The following CYP2J2 variants were observed in gnomAD, a reference collection of about 807,000 sequenced individuals.
CYP2J2 encodes the protein cytochrome P450 2J2.
In CYP2J2, 41 loss-of-function variants were observed where a neutral mutation model predicts 48.8. That is an observed-to-expected ratio of 0.84 (90% confidence interval 0.66 to 1.09). The LOEUF is 1.09. Among genes scored for constraint, CYP2J2 ranks in the 50% least tolerant of loss-of-function variants. CYP2J2 has a pLI of 0.00. For missense variants in CYP2J2, 644 were observed against 617.3 expected (o/e 1.04, Z -0.46); for synonymous variants, 221 against 227.1 (o/e 0.97, Z 0.24).
At chr1:59,926,181 CATTTTATGTATGGGAAATGA>C (rs928898127) in intron 1 of CYP2J2, among the ~76,000 whole-genome samples, 1 of 152,080 alleles carries the variant, frequency 6.6e-6, no homozygotes, top group Non-Finnish European at 1.5e-5. Flanking sequence ...GTATTATCAC[CATTTTATGTATGGGAAATGA>C]AGTTTCTCAG....
the CYP2J2 span, among the ~76,000 whole-genome samples, chr1:59,966,050 G>A: frequency 6.6e-6 from 1 of 152,132 alleles, no homozygotes; most frequent in Admixed American, 6.5e-5. Flanking sequence ...CTTAGTGTGT[G>A]GCAGGGTTAA....
At chr1:59,965,412 C>T in the CYP2J2 span, among the ~76,000 whole-genome samples, 5 of 152,190 alleles carry the variant, frequency 3.3e-5, no homozygotes, top group Non-Finnish European at 5.9e-5. Flanking sequence ...ACTCCAACTC[C>T]ACGACACAAA....
chr1:59,924,512 G>A (rs955684235), intron 1 of CYP2J2, among the ~76,000 whole-genome samples: 2 of 152,094 alleles, frequency 1.3e-5, no homozygotes, highest in Non-Finnish European at 2.9e-5. Flanking sequence ...CAACAATTAT[G>A]AAGTAGAGAG....
At chr1:59,907,086 G>A (rs1381524890) in intron 6 of CYP2J2, among the ~76,000 whole-genome samples, 1 of 152,086 alleles carries the variant, frequency 6.6e-6, no homozygotes, top group Admixed American at 6.5e-5. Context: ...ATAGTCTGTG[G>A]GGAAGCTATA....
At chr1:59,919,343 T>A (rs987262079) in intron 1 of CYP2J2, among the ~76,000 whole-genome samples, 1 of 152,226 alleles carries the variant, frequency 6.6e-6, no homozygotes, top group Non-Finnish European at 1.5e-5. Flanking sequence ...AAGTTGGAAA[T>A]ATAATTTTAT....
chr1:59,927,192 G>A (rs1644574700), upstream of CYP2J2, among the ~76,000 whole-genome samples: 1 of 151,992 alleles, frequency 6.6e-6, no homozygotes. Flanking sequence ...TTGCTGTTGA[G>A]GAAACAGAAA....
chr1:59,903,892 G>A (rs1015573039), intron 7 of CYP2J2, among the ~76,000 whole-genome samples: 3 of 152,082 alleles, frequency 2.0e-5, no homozygotes, highest in East Asian at 1.9e-4. Context: ...CCTTGACTTC[G>A]CAATCCATAA....
At position 59,893,383 on chromosome 1, in the gene CYP2J2, A is replaced by T. The variant is rs1354425017; in HGVS notation, c.*268T>A. 2.9e-6 allele frequency: 1 copy of T among 342,668 alleles called. No homozygotes were observed. The highest frequency in any genetic ancestry group is 4.7e-5 in the East Asian group (1 of 21,368). The allele number at this position is 342,668 out of a possible 1,614,324, so 21.2% of individuals were successfully genotyped here. On this transcript the variant is annotated 3_prime_UTR_variant, in exon 9 of 9. Coordinates refer to ENST00000371204, the MANE Select transcript of CYP2J2 (RefSeq NM_000775.4). Reference sequence around the variant, plus strand: ...CTCACCATTTCTTTTGATTCTTACAAGAACTTTCTTTATGGAAGGAAACAT... The same window carrying T: ...CTCACCATTTCTTTTGATTCTTACATGAACTTTCTTTATGGAAGGAAACAT...
Position 59,920,822 on chromosome 1 carries a change from T to C in CYP2J2, c.211-4722A>G, listed in dbSNP as rs542892823. Among the ~76,000 whole-genome samples, 19 of 152,306 alleles carry C rather than the reference T, an allele frequency of 1.2e-4. No homozygotes were observed. In the South Asian group the frequency reaches 3.7e-3, roughly 30 times the overall value. On this transcript the variant is annotated intron_variant, in intron 1 of 8. Transcript: ENST00000371204. ...GTTATTTAACTTTTCTCTGTCTTAGTTTCCAAATTTTATAGACTTTATTAG... is the reference window on the plus strand; with the variant it reads ...GTTATTTAACTTTTCTCTGTCTTAGCTTCCAAATTTTATAGACTTTATTAG...
In CYP2J2 at chr1:59,893,607, GCCAT is replaced by G; in HGVS notation, c.*40_*43del. ...AGACACCAGTGGTTTCAGAACACGT[GCCAT>G]GTCTTCTTACTTTCCTTGCCCCTTT... On this transcript the variant is annotated 3_prime_UTR_variant, in exon 9 of 9. Transcript: ENST00000371204. The G allele has an allele frequency of 6.8e-7, 1 of 1,460,136 alleles. No individual in the cohort carries two copies. The highest frequency in any genetic ancestry group is 9.3e-7 in the Non-Finnish European group (1 of 1,072,112). The allele number at this position is 1,460,136 out of a possible 1,614,324, so 90.4% of individuals were successfully genotyped here. A position where few individuals can be genotyped will look rare whatever the true frequency, so the allele number is the denominator to read the frequency against.
At chr1:59,926,116 G>A (rs988108005) in intron 1 of CYP2J2, among the ~76,000 whole-genome samples, 1 of 152,078 alleles carries the variant, frequency 6.6e-6, no homozygotes. Context: ...GAAGCTGGAG[G>A]GCTCAGTTAG....
At chr1:59,918,546 C>G (rs1644486073) in intron 1 of CYP2J2, among the ~76,000 whole-genome samples, 1 of 152,012 alleles carries the variant, frequency 6.6e-6, no homozygotes, top group South Asian at 2.1e-4. Context: ...TCTAACAATT[C>G]TTACGTGCAC....
At chr1:59,951,961 TCTA>T in the CYP2J2 span, among the ~76,000 whole-genome samples, 1 of 152,300 alleles carries the variant, frequency 6.6e-6, no homozygotes, top group East Asian at 1.9e-4. Flanking sequence ...CTTTGACCAC[TCTA>T]CTATCTTCTT....
the CYP2J2 span, among the ~76,000 whole-genome samples, chr1:59,935,435 G>A: frequency 6.6e-6 from 1 of 152,150 alleles, no homozygotes; most frequent in Middle Eastern, 3.2e-3. Flanking sequence ...GTAACTATAT[G>A]AGGTGATGAA....
chr1:59,920,539 A>G (rs1326809229), intron 1 of CYP2J2, among the ~76,000 whole-genome samples: 1 of 152,126 alleles, frequency 6.6e-6, no homozygotes, highest in Admixed American at 6.6e-5. Flanking sequence ...AGGGTTGAGG[A>G]AGGCTCCTGG....
upstream of CYP2J2, chr1:59,926,781 G>A: frequency 6.4e-7 from 1 of 1,566,262 alleles, no homozygotes; most frequent in Non-Finnish European, 8.7e-7. Context: ...TGCGGTCCAA[G>A]CAGGCGGCGG....
At chr1:59,955,201 C>A in the CYP2J2 span, among the ~76,000 whole-genome samples, 1 of 146,794 alleles carries the variant, frequency 6.8e-6, no homozygotes, top group African/African-American at 2.5e-5. Flanking sequence ...TGTGCATATG[C>A]ACGTGTGTAT....
chr1:59,924,318 G>T (rs1644544127), intron 1 of CYP2J2, among the ~76,000 whole-genome samples: 1 of 152,012 alleles, frequency 6.6e-6, no homozygotes, highest in Non-Finnish European at 1.5e-5. Context: ...TAGTTCTTCA[G>T]ATCTGAAAGG....
the CYP2J2 span, among the ~76,000 whole-genome samples, chr1:59,948,986 G>T: frequency 1.3e-5 from 2 of 152,044 alleles, no homozygotes; most frequent in Non-Finnish European, 2.9e-5. Context: ...TGCCATGATT[G>T]TGCCTGTGAA....
Sources: gnomAD v4.1 joint callset for allele counts (sites outside exome capture counted in the v4.1 genomes callset) on GRCh38, gnomAD v4.1.1 for gene constraint, MANE v1.5 for transcripts, NCBI Gene and HGNC (gene_info 2026-07-23, HGNC 2026-07-21) for gene names.